ITPR2: variants seen among roughly 807,000 people sequenced by gnomAD.
ITPR2 encodes the protein inositol 1,4,5-trisphosphate-gated calcium channel ITPR2.
Under a neutral mutation model 317.1 loss-of-function variants are expected in ITPR2, and 207 were observed. The observed-to-expected ratio is 0.65, with a 90% CI of 0.58 to 0.73. The LOEUF (loss-of-function observed/expected upper bound fraction) is 0.73, where lower values mean the gene tolerates loss of function less well. Among genes scored for constraint, ITPR2 ranks in the 30% least tolerant of loss-of-function variants. The pLI is 0.00. For synonymous variants in ITPR2, 1,156 were observed against 1,149.1 expected (o/e 1.01, Z -0.12); for missense variants, 2,613 against 3,284.0 (o/e 0.80, Z 4.99).
At chr12:26,347,387 T>C (rs1021744395) in intron 55 of ITPR2, among the ~76,000 whole-genome samples, 1 of 152,170 alleles carries the variant, frequency 6.6e-6, no homozygotes, top group Non-Finnish European at 1.5e-5. Context: ...CATAGTAATG[T>C]ATCCTACTTG....
rs67872654 is a variant in ITPR2 at position 26,712,634 on chromosome 12, TACACACACACACAC to T, written c.856-1380_856-1367del. ...GATAAAATCTAATGTTTGTCTCAAA[TACACACACACACAC>T]ACACACACACACACACACACACACA... On this transcript the variant is annotated intron_variant, in intron 8 of 56. Transcript: ENST00000381340. Among the ~76,000 whole-genome samples the T allele has an allele frequency of 8.3e-3, 1,231 of 149,024 alleles. 8 individuals carry two copies. Among genetic ancestry groups the T allele is most frequent in the Non-Finnish European group, 0.014 (910 of 67,366 alleles).
chr12:26,473,180 C>T (rs1024577630), intron 45 of ITPR2, among the ~76,000 whole-genome samples: 2 of 152,206 alleles, frequency 1.3e-5, no homozygotes, highest in Non-Finnish European at 2.9e-5. Context: ...AGCCATTGCA[C>T]CTGGCCTGTA....
chr12:26,560,799 T>G (rs985943324), intron 35 of ITPR2, among the ~76,000 whole-genome samples: 2 of 152,214 alleles, frequency 1.3e-5, no homozygotes, highest in Non-Finnish European at 2.9e-5. Context: ...GTCCTTCTAA[T>G]CCCGTATAAC....
intron 26 of ITPR2, among the ~76,000 whole-genome samples, chr12:26,613,727 G>T (rs1366014825): frequency 1.3e-5 from 2 of 152,060 alleles, no homozygotes; most frequent in Admixed American, 6.6e-5. Context: ...AAGAGCAAAA[G>T]GGCACCTATC....
Position 26,657,743 on chromosome 12 carries a change from C to G in ITPR2, c.2156G>C (p.Gly719Ala). 1 of 1,614,102 alleles carries G rather than the reference C, an allele frequency of 6.2e-7. No individual in the cohort carries two copies. Among genetic ancestry groups the G allele is most frequent in the Non-Finnish European group, 8.5e-7 (1 of 1,180,004 alleles). ...AAGAACTTCTAAGTCAGCTTTGGTG[C>G]CTTCTTTTGCCTCTTGAGCAAGGTG... ...IRHLAQEAKE[G>A]TKADLEVLTY... is the part of the protein sequence containing the mutation. The change falls in exon 18 of 57, where the codon GGC (glycine) becomes GCC (alanine). Residue 719 changes from glycine (G) to alanine (A), a missense_variant. Around this residue, in one of 9 missense-constraint regions of ITPR2, gnomAD observed 817 missense variants for 897.6 expected, o/e 0.91. Coordinates refer to ENST00000381340, the MANE Select transcript of ITPR2 (RefSeq NM_002223.4).
chr12:26,486,920 C>A, intron 40 of ITPR2, 148 bp downstream of exon 40: 1 of 844,378 alleles, frequency 1.2e-6, no homozygotes, highest in Admixed American at 1.9e-5. Flanking sequence ...TAGGGTCACC[C>A]CATGACCAAA....
chr12:26,520,776 A>G (rs1340909955), intron 37 of ITPR2, among the ~76,000 whole-genome samples: 1 of 152,196 alleles, frequency 6.6e-6, no homozygotes, highest in African/African-American at 2.4e-5. Flanking sequence ...TGATTGATAG[A>G]CCAACCAAGA....
At chr12:26,633,695 T>C (rs973808009) in intron 21 of ITPR2, among the ~76,000 whole-genome samples, 4 of 152,320 alleles carry the variant, frequency 2.6e-5, no homozygotes, top group Non-Finnish European at 5.9e-5. Context: ...GCTTGCTACA[T>C]GGACTGCAGG....
intron 45 of ITPR2, among the ~76,000 whole-genome samples, chr12:26,449,949 AGGTCACACT>A (rs1242869707): frequency 6.6e-6 from 1 of 152,190 alleles, no homozygotes; most frequent in Admixed American, 6.5e-5. Flanking sequence ...AAGTTAAATG[AGGTCACACT>A]GGATTAGGGT....
At chr12:26,748,398 C>T (rs7307649) in intron 2 of ITPR2, among the ~76,000 whole-genome samples, 9,330 of 152,162 alleles carry the variant, frequency 0.061, 368 homozygotes, top group African/African-American at 0.12. Flanking sequence ...TAATCCTATA[C>T]TATTACCAAG....
At chr12:26,518,076 T>G (rs1169991522) in intron 37 of ITPR2, among the ~76,000 whole-genome samples, 2 of 152,198 alleles carry the variant, frequency 1.3e-5, no homozygotes, top group Non-Finnish European at 2.9e-5. Context: ...TACACAATGT[T>G]CATCACAACA....
chr12:26,825,039 C>T (rs1346414537), intron 1 of ITPR2, among the ~76,000 whole-genome samples: 1 of 152,240 alleles, frequency 6.6e-6, no homozygotes, highest in African/African-American at 2.4e-5. Context: ...TGAGACCAGC[C>T]TGGCCAACAT....
At chr12:26,678,704 T>C (rs1947966897) in intron 13 of ITPR2, among the ~76,000 whole-genome samples, 1 of 152,224 alleles carries the variant, frequency 6.6e-6, no homozygotes, top group African/African-American at 2.4e-5. Context: ...CAAAGCCTTC[T>C]CTTTGCTATT....
intron 2 of ITPR2, among the ~76,000 whole-genome samples, chr12:26,766,808 C>T (rs1332198163): frequency 6.6e-6 from 1 of 151,998 alleles, no homozygotes; most frequent in Non-Finnish European, 1.5e-5. Context: ...GGTCCTTTCA[C>T]TTTTAAATGT....
chr12:26,694,216 C>T (rs1592045233), intron 10 of ITPR2, among the ~76,000 whole-genome samples: 2 of 152,246 alleles, frequency 1.3e-5, no homozygotes, highest in South Asian at 4.1e-4. Flanking sequence ...TGGATCAAGA[C>T]AAAACAAGAC....
In ITPR2 at chr12:26,423,937, T is replaced by C. The variant is rs75287846; in HGVS notation, c.6945+3976A>G. Reference sequence around the variant, plus strand: ...TAAAGACAATAAAAAAGAAGCACCATAGTAAACAGAAACCAGTACTAAGTT... The same window carrying C: ...TAAAGACAATAAAAAAGAAGCACCACAGTAAACAGAAACCAGTACTAAGTT... On this transcript the variant is annotated intron_variant, in intron 49 of 56. Coordinates refer to ENST00000381340, the MANE Select transcript of ITPR2 (RefSeq NM_002223.4). Among the ~76,000 whole-genome samples the C allele has an allele frequency of 0.014, 2,076 of 152,260 alleles. 114 individuals are homozygous for C. The East Asian group carries it at 0.17, about 13-fold the overall frequency.
chr12:26,824,493 A>G (rs1950983629), intron 1 of ITPR2, among the ~76,000 whole-genome samples: 1 of 152,174 alleles, frequency 6.6e-6, no homozygotes, highest in African/African-American at 2.4e-5. Context: ...TAATTATATG[A>G]CTGTCTATTT....
intron 21 of ITPR2, among the ~76,000 whole-genome samples, chr12:26,632,657 A>G (rs1435323581): frequency 2.0e-5 from 3 of 152,182 alleles, no homozygotes; most frequent in Admixed American, 6.5e-5. Flanking sequence ...CCTTCATCCA[A>G]TTTGAATAGA....
chr12:26,656,345 C>T lies in ITPR2; in HGVS notation c.2396G>A (p.Arg799His), dbSNP rs372497705. The change falls in exon 19 of 57, where the codon CGC (arginine) becomes CAC (histidine). Residue 799 changes from arginine (R) to histidine (H), a missense_variant. This residue lies in a region of ITPR2 where 817 missense variants were observed against 897.6 expected (regional missense o/e 0.91). Coordinates refer to ENST00000381340, the MANE Select transcript of ITPR2 (RefSeq NM_002223.4). The part of the protein sequence containing the change: ...RDPQESVVPV[R>H]YARLWTEIPT... ...GATTTCTGTCCAGAGCCTGGCATAG[C>T]GAACAGGCACCACGGACTCCTGGGG... 41 of 1,614,050 alleles carry T rather than the reference C, an allele frequency of 2.5e-5. No individual in the cohort carries two copies. The African/African-American group carries it at 4.7e-4, about 18-fold the overall frequency.
Sources: gnomAD v4.1 joint callset for allele counts (sites outside exome capture counted in the v4.1 genomes callset) on GRCh38, gnomAD v4.1.1 for gene constraint, gnomAD v4.1.1 regional missense constraint, MANE v1.5 for transcripts, NCBI Gene and HGNC (gene_info 2026-07-23, HGNC 2026-07-21) for gene names.